DTX4: variants seen among roughly 807,000 people sequenced by gnomAD.
DTX4 encodes the protein E3 ubiquitin-protein ligase DTX4.
Under a neutral mutation model 57.6 loss-of-function variants are expected in DTX4, and 28 were observed. The ratio of observed to expected loss-of-function variants is 0.49; its 90% CI spans 0.36 to 0.67. The LOEUF (loss-of-function observed/expected upper bound fraction) is 0.67, where lower values mean the gene tolerates loss of function less well. DTX4 is among the 30% of genes least tolerant of loss of function. DTX4 has a pLI of 0.00. For missense variants in DTX4, 715 were observed against 836.8 expected, an observed-to-expected ratio of 0.85 and a Z score of 1.80; for synonymous variants, 316 against 331.0, an observed-to-expected ratio of 0.95 and a Z score of 0.49.
At chr11:59,195,738 A>G (rs1862658825) in intron 7 of DTX4, among the ~76,000 whole-genome samples, 2 of 152,146 alleles carry the variant, frequency 1.3e-5, no homozygotes, top group Admixed American at 6.5e-5. Flanking sequence ...GTAATCATCC[A>G]TTGTATAAAT....
At chr11:59,175,867 G>C (rs1042829009) in intron 1 of DTX4, among the ~76,000 whole-genome samples, 3 of 151,418 alleles carry the variant, frequency 2.0e-5, no homozygotes, top group Admixed American at 2.0e-4. Context: ...CCGTGACCTT[G>C]ACCAAGTCTC....
intron 8 of DTX4, among the ~76,000 whole-genome samples, chr11:59,200,015 T>G (rs1862721772): frequency 6.6e-6 from 1 of 152,158 alleles, no homozygotes; most frequent in Admixed American, 6.5e-5. Flanking sequence ...GTTCTCACGC[T>G]GCTAATAAAG....
chr11:59,202,102 GAAATA>G (rs1357933055), intron 8 of DTX4, among the ~76,000 whole-genome samples: 1 of 152,196 alleles, frequency 6.6e-6, no homozygotes, highest in Non-Finnish European at 1.5e-5. Context: ...GTGTGTAAAA[GAAATA>G]AAATGAAGAA....
chr11:59,197,934 G>A (rs1248575723), intron 7 of DTX4, among the ~76,000 whole-genome samples: 1 of 152,186 alleles, frequency 6.6e-6, no homozygotes, highest in South Asian at 2.1e-4. Context: ...TACAGGTGGT[G>A]CATGCTGCCT....
intron 1 of DTX4, among the ~76,000 whole-genome samples, chr11:59,178,258 T>G (rs570702094): frequency 6.6e-6 from 1 of 151,820 alleles, no homozygotes; most frequent in Non-Finnish European, 1.5e-5. Context: ...GAGGGGGCCA[T>G]GTATGTTGGT....
At chr11:59,194,970 CTCT>C in intron 6 of DTX4, 1 of 551,732 alleles carries the variant, frequency 1.8e-6, no homozygotes, top group South Asian at 2.1e-5. Context: ...ACAGGGGCTT[CTCT>C]TACATATCCC....
At chr11:59,199,889 CT>C (rs1247324254) in intron 8 of DTX4, 116 bp downstream of exon 8, 6 of 842,728 alleles carry the variant, frequency 7.1e-6, no homozygotes, top group African/African-American at 1.7e-5. Context: ...AGAACTGTGT[CT>C]CTTTTAAGTC....
chr11:59,182,491 ATTTACT>A, intron 2 of DTX4, 29 bp downstream of exon 2: 1 of 1,562,620 alleles, frequency 6.4e-7, no homozygotes, highest in Non-Finnish European at 8.7e-7. Context: ...GCCTCAGAGC[ATTTACT>A]CAGGGTAGAG....
chr11:59,189,355 A>T (rs2135519790), intron 4 of DTX4, 32 bp downstream of exon 4: 6 of 1,498,372 alleles, frequency 4.0e-6, no homozygotes, highest in Non-Finnish European at 4.5e-6. Context: ...GGGTACTGAG[A>T]GTCAAAGACT....
Position 59,189,285 on chromosome 11 carries a change from A to C in DTX4, c.1121A>C (p.Asn374Thr), listed in dbSNP as rs976167160. 3 of 1,563,800 alleles carry C rather than the reference A, an allele frequency of 1.9e-6. No homozygotes were observed. The highest frequency in any genetic ancestry group is 2.6e-6 in the Non-Finnish European group (3 of 1,154,918). ...SEIKSIPGVSNTSRKTTKKQA... is the reference protein window; with the variant it reads ...SEIKSIPGVSTTSRKTTKKQA... Reference sequence around the variant, plus strand: ...ATAAAATCCATCCCAGGGGTTTCCAACACAAGCCGCAAGACCACCAAAAAA... The same window carrying C: ...ATAAAATCCATCCCAGGGGTTTCCACCACAAGCCGCAAGACCACCAAAAAA... The change falls in exon 4 of 9, where the codon AAC becomes ACC. Residue 374 changes from asparagine to threonine, a missense_variant. Asn to Thr is a moderately conservative substitution (Grantham distance 65). Coordinates refer to ENST00000227451, the MANE Select transcript of DTX4 (RefSeq NM_015177.2).
intron 4 of DTX4, among the ~76,000 whole-genome samples, chr11:59,190,559 G>A (rs1016007138): frequency 3.3e-4 from 50 of 152,156 alleles, no homozygotes; most frequent in African/African-American, 1.2e-3. Flanking sequence ...AGCCCATCAG[G>A]ATGCTTCCCA....
In DTX4 at chr11:59,207,123, G is replaced by A. The variant is rs1369384000; in HGVS notation, c.*2214G>A. The A allele has an allele frequency of 6.6e-6, 1 of 152,310 alleles. No individual in the cohort carries two copies. The highest frequency in any genetic ancestry group is 1.5e-5 in the Non-Finnish European group (1 of 68,088). 9.4% of individuals were successfully genotyped at this position (152,310 alleles called of 1,614,324 possible). The stretch of plus-strand genomic sequence containing the variant: ...TGCTGAGCTTCTTGGCCGCAAGGAT[G>A]CAGAAATAGGCTGAGGGTCCATGGG... On this transcript the variant is annotated 3_prime_UTR_variant, in exon 9 of 9. Coordinates refer to ENST00000227451, the MANE Select transcript of DTX4 (RefSeq NM_015177.2).
intron 6 of DTX4, 64 bp downstream of exon 6, chr11:59,192,314 G>A (rs1031270088): frequency 3.1e-6 from 5 of 1,596,912 alleles, no homozygotes; most frequent in Non-Finnish European, 3.4e-6. Context: ...GCAAGATGGT[G>A]AAGGCCCTTT....
At position 59,172,549 on chromosome 11, in the gene DTX4, C is replaced by G. The variant is rs768142718; in HGVS notation, c.-47C>G. On this transcript the variant is annotated 5_prime_UTR_variant, in exon 1 of 9. Transcript: ENST00000227451. Reference sequence around the variant, plus strand: ...GAGGAAGCGGAGGAGGTCGGGCGCTCGGGGCCCGGGAGGCGGGCCGCGCAG... The same window carrying G: ...GAGGAAGCGGAGGAGGTCGGGCGCTGGGGGCCCGGGAGGCGGGCCGCGCAG... 11 of 1,263,774 alleles carry G rather than the reference C, an allele frequency of 8.7e-6. No homozygotes were observed. Among genetic ancestry groups the G allele is most frequent in the Non-Finnish European group, 1.1e-5 (11 of 995,484 alleles). 78.3% of individuals were successfully genotyped at this position (1,263,774 alleles called of 1,614,324 possible).
chr11:59,173,942 C>CGAG (rs1862362097), intron 1 of DTX4, among the ~76,000 whole-genome samples: 2 of 152,084 alleles, frequency 1.3e-5, no homozygotes, highest in Admixed American at 1.3e-4. Flanking sequence ...AGAGTGCAAC[C>CGAG]GAGGAGCCTG....
chr11:59,178,394 C>T (rs1862421098), intron 1 of DTX4, among the ~76,000 whole-genome samples: 1 of 152,174 alleles, frequency 6.6e-6, no homozygotes. Context: ...TACGTTCTGC[C>T]TCATAAATAG....
chr11:59,191,197 C>T lies in DTX4; in HGVS notation c.1221+22C>T, dbSNP rs374799347. The T allele has an allele frequency of 4.0e-5, 63 of 1,559,134 alleles. No individual in the cohort carries two copies. In the East Asian group the frequency reaches 8.9e-4, roughly 22 times the overall value. On this transcript the variant is annotated intron_variant, in intron 5 of 8. Coordinates refer to ENST00000227451, the MANE Select transcript of DTX4 (RefSeq NM_015177.2). ...TGAGGTGAGTTCAGGGTTAGAAGAG[C>T]GGGATTCACCTCTCCATCACCCACA... is the stretch of plus-strand genomic sequence containing the variant.
At chr11:59,188,832 G>A (rs1211976241) in intron 3 of DTX4, 36 bp downstream of exon 3, 1 of 1,555,622 alleles carries the variant, frequency 6.4e-7, no homozygotes, top group Middle Eastern at 1.7e-4. Context: ...GGTTAAGGTA[G>A]AGAAATCAGA....
chr11:59,177,210 A>C lies in DTX4; in HGVS notation c.211+4404A>C, dbSNP rs7103529. On this transcript the variant is annotated intron_variant, in intron 1 of 8. Coordinates refer to ENST00000227451, the MANE Select transcript of DTX4 (RefSeq NM_015177.2). ...CAACAGCTGAAATTTGAGTGTACCCATGCACCACTCAAGGTGGCCATTCAC... is the reference window on the plus strand; with the variant it reads ...CAACAGCTGAAATTTGAGTGTACCCCTGCACCACTCAAGGTGGCCATTCAC... Among the ~76,000 whole-genome samples the C allele has an allele frequency of 7.5e-3, 1,144 of 152,282 alleles. 17 individuals are homozygous for C. Among genetic ancestry groups the C allele is most frequent in the African/African-American group, 0.025 (1,043 of 41,546 alleles).
Sources: gnomAD v4.1 joint callset for allele counts (sites outside exome capture counted in the v4.1 genomes callset) on GRCh38, gnomAD v4.1.1 for gene constraint, MANE v1.5 for transcripts, NCBI Gene and HGNC (gene_info 2026-07-23, HGNC 2026-07-21) for gene names.